LIMS2: variants seen among roughly 807,000 people sequenced by gnomAD.
LIMS2 encodes LIM zinc finger domain containing 2.
A neutral mutation model predicts 45.3 loss-of-function variants in LIMS2; 30 were observed. That is an observed-to-expected ratio of 0.66 (90% confidence interval 0.50 to 0.90). The LOEUF (loss-of-function observed/expected upper bound fraction) is 0.90, where lower values mean the gene tolerates loss of function less well. LIMS2 is among the 40% of genes least tolerant of loss of function. The pLI, the probability that LIMS2 is intolerant of heterozygous loss-of-function variation, is 0.00. For synonymous variants in LIMS2, 173 were observed against 188.0 expected (o/e 0.92, Z 0.65); for missense variants, 485 against 468.7 (o/e 1.03, Z -0.32).
chr2:127,663,335 G>A (rs1397326152), intron 1 of LIMS2, among the ~76,000 whole-genome samples: 3 of 152,218 alleles, frequency 2.0e-5, no homozygotes, highest in African/African-American at 7.2e-5. Flanking sequence ...CCCCAGACCT[G>A]CCATGCCAGC....
At position 127,638,462 on chromosome 2, in the gene LIMS2, C is replaced by CAACAACA. The variant is rs1558862551; in HGVS notation, c.*818_*819insTGTTGTT. The CAACAACA allele has an allele frequency of 6.6e-6, 1 of 152,130 alleles. No homozygotes were observed. The allele number at this position is 152,130 out of a possible 1,614,324, so 9.4% of individuals were successfully genotyped here. ...AGCCTTCATTGTGCAAGCGTGAGCC[C>CAACAACA]AACAAACAAACACCAGGTCTGCGCT... On this transcript the variant is annotated 3_prime_UTR_variant, in exon 10 of 10. Transcript: ENST00000355119.
At chr2:127,666,166 T>G (rs10191573) in intron 1 of LIMS2, among the ~76,000 whole-genome samples, 8,308 of 151,896 alleles carry the variant, frequency 0.055, 344 homozygotes, top group African/African-American at 0.1. Context: ...TGGGATTTGG[T>G]TCAGTGCTCT....
intron 4 of LIMS2, chr2:127,649,866 T>A: frequency 1.4e-6 from 1 of 691,800 alleles, no homozygotes; most frequent in Non-Finnish European, 2.4e-6. Flanking sequence ...GGCCAGTGTC[T>A]CTGACGCTGG....
chr2:127,644,985 G>C (rs1328907740), intron 4 of LIMS2, among the ~76,000 whole-genome samples: 1 of 152,248 alleles, frequency 6.6e-6, no homozygotes, highest in Non-Finnish European at 1.5e-5. Context: ...CACAGCATCA[G>C]ATCTAAAGGT....
exon 1 of LIMS2, chr2:127,681,719 G>C (rs1685619871): frequency 6.6e-6 from 1 of 151,986 alleles, no homozygotes; most frequent in Admixed American, 6.6e-5. Context: ...AGCATTTCTC[G>C]AAGCCCTGAG....
In LIMS2 at chr2:127,652,182, G is replaced by A. The variant is rs77894233; in HGVS notation, c.359+2242C>T. 4.3e-3 allele frequency: 982 copies of A among 226,850 alleles called. 15 individuals are homozygous for A. Among genetic ancestry groups the A allele is most frequent in the African/African-American group, 0.021 (910 of 43,884 alleles). The allele number at this position is 226,850 out of a possible 1,614,324, so 14.1% of individuals were successfully genotyped here. A position where few individuals can be genotyped will look rare whatever the true frequency, so the allele number is the denominator to read the frequency against. ...GGGACCTGGGAGTCCTGGTGGGGAC[G>A]GGGAGGGAGTCTCAATACTCCTTTG... On this transcript the variant is annotated intron_variant, in intron 4 of 9. Transcript: ENST00000355119.
intron 4 of LIMS2, chr2:127,651,653 C>T (rs113791568): frequency 1.9e-5 from 30 of 1,613,464 alleles, no homozygotes; most frequent in African/African-American, 1.3e-4. Context: ...AGTTCCGCCA[C>T]GCCCTGTGCA....
chr2:127,639,303 G>C lies in LIMS2; in HGVS notation c.1004C>G (p.Ala335Gly). The change falls in exon 10 of 10, where the codon GCC (alanine) becomes GGC (glycine). Residue 335 changes from alanine to glycine, a missense_variant. Ala to Gly is a moderately conservative substitution (Grantham distance 60). Transcript: ENST00000355119. ...ELTSRKAQPKATDLNSA is the reference protein window; with the variant it reads ...ELTSRKAQPKGTDLNSA ...CCTTCAGGCAGAGTTGAGGTCTGTG[G>C]CCTTGGGCTGGGCCTTGCGGGAGGT... 1 of 1,613,872 alleles carries C rather than the reference G, an allele frequency of 6.2e-7. No homozygotes were observed. Among genetic ancestry groups the C allele is most frequent in the Middle Eastern group, 1.7e-4 (1 of 6,058 alleles).
Position 127,675,054 on chromosome 2 carries a change from CG to C in LIMS2, c.-31del, listed in dbSNP as rs1573855203. Reference sequence around the variant, plus strand: ...GCAGCGACGCCGAGCCCTGGGTTGCCGGGGTTGCCGCGGGTCTCCCTCTGCT... The same window carrying C: ...GCAGCGACGCCGAGCCCTGGGTTGCCGGGTTGCCGCGGGTCTCCCTCTGCT... On this transcript the variant is annotated 5_prime_UTR_variant, in exon 1 of 10. Transcript: ENST00000355119. The C allele has an allele frequency of 2.0e-6, 2 of 1,025,592 alleles. No homozygotes were observed. Among genetic ancestry groups the C allele is most frequent in the Middle Eastern group, 3.7e-4 (1 of 2,696 alleles). The allele number at this position is 1,025,592 out of a possible 1,614,324, so 63.5% of individuals were successfully genotyped here. A position where few individuals can be genotyped will look rare whatever the true frequency, so the allele number is the denominator to read the frequency against.
upstream of LIMS2, among the ~76,000 whole-genome samples, chr2:127,679,347 G>C (rs965776096): frequency 1.3e-5 from 2 of 152,152 alleles, no homozygotes; most frequent in African/African-American, 4.8e-5. This position sits in a 1 kb window ranked among gnomAD's most constrained non-coding sequence, Gnocchi z 5.3. Context: ...GAAGGGGAGG[G>C]AAGGTGAGAA....
intron 6 of LIMS2, chr2:127,641,538 G>A (rs944676916): frequency 6.2e-6 from 1 of 162,304 alleles, no homozygotes; most frequent in Non-Finnish European, 1.4e-5. Context: ...CGCCACCCAA[G>A]GCACAGCTTC....
In LIMS2 at chr2:127,640,263, G is replaced by T. The variant is rs748150053; in HGVS notation, c.802+7C>A. On this transcript the variant is annotated splice_region_variant and intron_variant, in intron 8 of 9. Coordinates refer to ENST00000355119, the MANE Select transcript of LIMS2 (RefSeq NM_001161403.3). ...GGTGGGGTGGGGGAGGGAACACAGG[G>T]CCTCACCATCGCCTTCAATCACATG... The T allele has an allele frequency of 1.7e-5, 28 of 1,613,180 alleles. No homozygotes were observed. Among genetic ancestry groups the T allele is most frequent in the Non-Finnish European group, 2.4e-5 (28 of 1,179,958 alleles).
At chr2:127,666,124 C>T (rs570469588) in intron 1 of LIMS2, among the ~76,000 whole-genome samples, 7 of 152,060 alleles carry the variant, frequency 4.6e-5, no homozygotes, top group Non-Finnish European at 1.0e-4. Flanking sequence ...GAATCTAGAA[C>T]TCTATACAAA....
intron 1 of LIMS2, among the ~76,000 whole-genome samples, chr2:127,663,841 C>T (rs1392614764): frequency 6.6e-6 from 1 of 152,192 alleles, no homozygotes; most frequent in African/African-American, 2.4e-5. Flanking sequence ...CCGTGCCCCT[C>T]CCAACCTCCC....
chr2:127,676,536 C>T (rs1008937469), upstream of LIMS2, among the ~76,000 whole-genome samples: 2 of 151,882 alleles, frequency 1.3e-5, no homozygotes, highest in African/African-American at 4.8e-5. Flanking sequence ...CTCAGCCTCC[C>T]AAGTAGCTGG....
At chr2:127,678,712 C>T (rs372860607), upstream of LIMS2, among the ~76,000 whole-genome samples, 2 of 151,970 alleles carry the variant, frequency 1.3e-5, no homozygotes, top group Middle Eastern at 3.2e-3. This position sits in a 1 kb window ranked among gnomAD's most constrained non-coding sequence, Gnocchi z 5.3. Context: ...AATGTACAGC[C>T]GTGGGAGTCA....
rs70985469 is a variant in LIMS2 at position 127,668,668 on chromosome 2, CAAAAA to C, written c.11+6341_11+6345del. On this transcript the variant is annotated intron_variant, in intron 1 of 9. Transcript: ENST00000355119. Reference sequence around the variant, plus strand: ...TGGGTGACAGAGTGAGACTCCGTCTCAAAAAAAAAAAAAAAAAAAAAAAAAAAAAA... The same window carrying C: ...TGGGTGACAGAGTGAGACTCCGTCTCAAAAAAAAAAAAAAAAAAAAAAAAA... Among the ~76,000 whole-genome samples the C allele has an allele frequency of 1.2e-3, 20 of 17,266 alleles. 1 individual carries two copies. Among genetic ancestry groups the C allele is most frequent in the Non-Finnish European group, 1.1e-3 (10 of 9,054 alleles). 11.3% of individuals were successfully genotyped at this position (17,266 alleles called of 152,430 possible). A position where few individuals can be genotyped will look rare whatever the true frequency, so the allele number is the denominator to read the frequency against.
intron 4 of LIMS2, chr2:127,646,425 T>C (rs1322894344): frequency 6.6e-6 from 1 of 152,242 alleles, no homozygotes; most frequent in Non-Finnish European, 1.5e-5. Flanking sequence ...CACAAAGCGG[T>C]GTTTCGTCCC....
At chr2:127,652,210 G>C (rs1683881257) in intron 4 of LIMS2, 2 of 202,312 alleles carry the variant, frequency 9.9e-6, no homozygotes, top group Non-Finnish European at 2.3e-5. Flanking sequence ...CTCCTTTGCA[G>C]TGCAAGGTAC....
Sources: gnomAD v4.1 joint callset for allele counts (sites outside exome capture counted in the v4.1 genomes callset) on GRCh38, gnomAD v4.1.1 for gene constraint, Gnocchi (gnomAD v3.1) non-coding constraint, MANE v1.5 for transcripts, NCBI Gene and HGNC (gene_info 2026-07-23, HGNC 2026-07-21) for gene names.